The following AQR variants were observed in gnomAD, a reference collection of about 807,000 sequenced individuals.
The protein encoded by AQR is RNA helicase aquarius.
In AQR, 61 loss-of-function variants were observed where a neutral mutation model predicts 180.5. That is an observed-to-expected ratio of 0.34 (90% CI 0.28 to 0.42). The LOEUF is 0.42. Ranked by LOEUF, AQR falls within the 10% of genes least tolerant of loss-of-function variation. The probability of loss-of-function intolerance (pLI) is 1.00; values close to 1 mark genes in which losing one functional copy is unlikely to be tolerated. For synonymous variants in AQR, 551 were observed against 588.8 expected (o/e 0.94, Z 0.93); for missense variants, 1,281 against 1,798.3 (o/e 0.71, Z 5.20).
At chr15:34,883,890 T>C (rs1345343622) in intron 26 of AQR, among the ~76,000 whole-genome samples, 1 of 152,172 alleles carries the variant, frequency 6.6e-6, no homozygotes, top group Admixed American at 6.5e-5. Flanking sequence ...ATAATCAGAA[T>C]CAATCATCCT....
At chr15:34,918,110 T>C (rs866411098) in intron 15 of AQR, 148 bp downstream of exon 15, 2 of 760,422 alleles carry the variant, frequency 2.6e-6, no homozygotes, top group Non-Finnish European at 4.0e-6. Context: ...ACTAAATCTT[T>C]TCTAGCTTCT....
intron 16 of AQR, among the ~76,000 whole-genome samples, chr15:34,911,587 T>C (rs755834507): frequency 2.6e-4 from 40 of 152,318 alleles, no homozygotes; most frequent in Middle Eastern, 3.4e-3. Context: ...TTTGTATGTC[T>C]TCCTACAAAA....
chr15:34,959,197 CTG>C (rs2140507495), intron 3 of AQR, among the ~76,000 whole-genome samples: 1 of 152,304 alleles, frequency 6.6e-6, no homozygotes, highest in African/African-American at 2.4e-5. Flanking sequence ...GGGTCTCACT[CTG>C]TTGCCCAGGC....
rs146032462 is a variant in AQR at position 34,938,684 on chromosome 15, T to C, written c.718+53A>G. The C allele has an allele frequency of 1.5e-4, 172 of 1,142,586 alleles. No individual in the cohort carries two copies. In the African/African-American group the frequency reaches 2.0e-3, roughly 13 times the overall value. The allele number at this position is 1,142,586 out of a possible 1,614,324, so 70.8% of individuals were successfully genotyped here. ...TTAGATTAGAGATGAGTAAATACCA[T>C]AGGGGCAGCTATATGATAATTTCAC... On this transcript the variant is annotated intron_variant, in intron 9 of 34. Transcript: ENST00000156471.
intron 1 of AQR, among the ~76,000 whole-genome samples, chr15:34,966,607 A>C (rs2050310727): frequency 6.6e-6 from 1 of 152,186 alleles, no homozygotes; most frequent in Non-Finnish European, 1.5e-5. Flanking sequence ...GATTGTGAGA[A>C]CATGTCTGTT....
chr15:34,952,099 T>C (rs1282727797), intron 4 of AQR, among the ~76,000 whole-genome samples: 2 of 152,228 alleles, frequency 1.3e-5, no homozygotes, highest in Non-Finnish European at 2.9e-5. Flanking sequence ...CAAATGTGTA[T>C]GTAGGAGTAA....
At chr15:34,857,769 A>C (rs1892609615) in intron 34 of AQR, among the ~76,000 whole-genome samples, 1 of 152,092 alleles carries the variant, frequency 6.6e-6, no homozygotes, top group South Asian at 2.1e-4. Context: ...GAAAAAGAAA[A>C]GAAAAAGAGC....
At chr15:34,886,107 A>AT (rs1893055954) in intron 25 of AQR, among the ~76,000 whole-genome samples, 1 of 152,204 alleles carries the variant, frequency 6.6e-6, no homozygotes, top group South Asian at 2.1e-4. Flanking sequence ...GTTGTAAGAC[A>AT]TAATTTATTT....
intron 26 of AQR, among the ~76,000 whole-genome samples, 160 bp from the exon 27 acceptor site, chr15:34,882,799 T>C (rs1010907909): frequency 3.3e-5 from 5 of 152,208 alleles, no homozygotes; most frequent in South Asian, 4.1e-4. Context: ...TCGGTACTAA[T>C]TGAGTTTAAA....
intron 5 of AQR, among the ~76,000 whole-genome samples, chr15:34,946,886 G>A (rs934111557): frequency 7.2e-6 from 1 of 138,082 alleles, no homozygotes; most frequent in African/African-American, 2.9e-5. Flanking sequence ...GGAGGGAGGT[G>A]GGGGGGGTCA....
Position 34,969,721 on chromosome 15 carries a change from G to T in AQR, c.-108C>A. ...CTGCCGGGGCGCTTAACTCCGCGCC[G>T]CACAAACGCTCCGGGCCGGATATCC... On this transcript the variant is annotated 5_prime_UTR_variant, in exon 1 of 35. Coordinates refer to ENST00000156471, the MANE Select transcript of AQR (RefSeq NM_014691.3). The T allele has an allele frequency of 1.8e-6, 2 of 1,109,678 alleles. No individual in the cohort carries two copies. Among genetic ancestry groups the T allele is most frequent in the Non-Finnish European group, 2.5e-6 (2 of 789,564 alleles). 68.7% of individuals were successfully genotyped at this position (1,109,678 alleles called of 1,614,324 possible).
intron 11 of AQR, 86 bp downstream of exon 11, chr15:34,932,232 T>C (rs1893875663): frequency 9.0e-7 from 1 of 1,105,774 alleles, no homozygotes; most frequent in Non-Finnish European, 1.4e-6. Context: ...GTTTGTGTTA[T>C]GCCCTGATAC....
chr15:34,914,785 C>G (rs1489976199), intron 16 of AQR, among the ~76,000 whole-genome samples: 1 of 152,190 alleles, frequency 6.6e-6, no homozygotes, highest in Non-Finnish European at 1.5e-5. Flanking sequence ...CCTTCTTGAG[C>G]ATGACGACTT....
At chr15:34,932,007 G>A (rs938937105) in intron 11 of AQR, among the ~76,000 whole-genome samples, 1 of 152,048 alleles carries the variant, frequency 6.6e-6, no homozygotes, top group Admixed American at 6.6e-5. Context: ...TCATACTATT[G>A]GGGCACAGTT....
At chr15:34,908,951 G>A (rs967984600) in intron 17 of AQR, among the ~76,000 whole-genome samples, 5 of 152,102 alleles carry the variant, frequency 3.3e-5, no homozygotes, top group African/African-American at 1.2e-4. Context: ...TGGCTTTCTC[G>A]AGGCTCAGCA....
chr15:34,893,286 C>T (rs1000588950), intron 23 of AQR, among the ~76,000 whole-genome samples: 12 of 152,132 alleles, frequency 7.9e-5, no homozygotes, highest in East Asian at 3.9e-4. Flanking sequence ...GGAGTAAGAC[C>T]GCACAATATA....
chr15:34,892,406 T>G (rs1893163723), intron 23 of AQR, among the ~76,000 whole-genome samples: 1 of 152,182 alleles, frequency 6.6e-6, no homozygotes, highest in Non-Finnish European at 1.5e-5. Flanking sequence ...GCTTATAATC[T>G]CCAAGTAAAA....
intron 13 of AQR, among the ~76,000 whole-genome samples, chr15:34,923,578 G>T (rs1315195996): frequency 6.6e-6 from 1 of 151,958 alleles, no homozygotes; most frequent in Non-Finnish European, 1.5e-5. Flanking sequence ...TGACATTTAG[G>T]TCTATAATCC....
In AQR at chr15:34,930,142, G is replaced by T. The variant is rs1170588216; in HGVS notation, c.1014+116C>A. The T allele has an allele frequency of 1.3e-5, 7 of 545,276 alleles. No individual in the cohort carries two copies. In the Middle Eastern group the frequency reaches 2.6e-3, roughly 201 times the overall value. The allele number at this position is 545,276 out of a possible 1,614,324, so 33.8% of individuals were successfully genotyped here. ...TGGAAAAAGAAACGTTAAAAATGTT[G>T]AATATAAAAACACTATTAAATTAAC... On this transcript the variant is annotated intron_variant, in intron 12 of 34. Coordinates refer to ENST00000156471, the MANE Select transcript of AQR (RefSeq NM_014691.3).
Sources: gnomAD v4.1 joint callset for allele counts (sites outside exome capture counted in the v4.1 genomes callset) on GRCh38, gnomAD v4.1.1 for gene constraint, MANE v1.5 for transcripts, NCBI Gene and HGNC (gene_info 2026-07-23, HGNC 2026-07-21) for gene names.